Variants in MEGF10 observed in about 807,000 individuals in gnomAD.
MEGF10 encodes the protein multiple epidermal growth factor-like domains protein 10.
MEGF10 carries 86 observed loss-of-function variants against 147.5 expected under a neutral mutation model. The ratio of observed to expected loss-of-function variants is 0.58; its 90% confidence interval spans 0.49 to 0.70. The LOEUF is 0.70. Among genes scored for constraint, MEGF10 ranks in the 30% least tolerant of loss-of-function variants. MEGF10 has a pLI of 0.00. For synonymous variants in MEGF10, 478 were observed against 525.5 expected (o/e 0.91, Z 1.24); for missense variants, 1,329 against 1,487.3 (o/e 0.89, Z 1.75).
the MEGF10 span, among the ~76,000 whole-genome samples, chr5:127,267,164 C>A: frequency 6.6e-6 from 1 of 152,168 alleles, no homozygotes; most frequent in East Asian, 1.9e-4. Flanking sequence ...ACCTTTTCTG[C>A]ATCTATTGAG....
intron 9 of MEGF10, among the ~76,000 whole-genome samples, chr5:127,411,653 C>A (rs1764569296): frequency 6.6e-6 from 1 of 152,124 alleles, no homozygotes; most frequent in Non-Finnish European, 1.5e-5. Flanking sequence ...ACTTTGTAAG[C>A]CATATTAGTC....
intron 5 of MEGF10, among the ~76,000 whole-genome samples, chr5:127,394,405 T>C (rs1232994303): frequency 6.6e-6 from 1 of 152,152 alleles, no homozygotes; most frequent in African/African-American, 2.4e-5. Flanking sequence ...TTTACTATAT[T>C]GTGAAAAAGT....
At chr5:127,385,209 C>T (rs1023637927) in intron 5 of MEGF10, among the ~76,000 whole-genome samples, 1 of 152,150 alleles carries the variant, frequency 6.6e-6, no homozygotes, top group African/African-American at 2.4e-5. Context: ...TGTTTAAAGT[C>T]CATGGAGAAC....
intron 5 of MEGF10, among the ~76,000 whole-genome samples, chr5:127,387,549 T>C (rs1763477840): frequency 6.6e-6 from 1 of 152,194 alleles, no homozygotes; most frequent in African/African-American, 2.4e-5. Flanking sequence ...TCTGCACTGA[T>C]TCCGGTTTTG....
At chr5:127,282,685 G>T in the MEGF10 span, among the ~76,000 whole-genome samples, 1 of 152,166 alleles carries the variant, frequency 6.6e-6, no homozygotes, top group African/African-American at 2.4e-5. Flanking sequence ...TCTTTTCCCA[G>T]TGGTATCCTC....
At chr5:127,286,233 T>C (rs1333487390), upstream of MEGF10, among the ~76,000 whole-genome samples, 2 of 152,056 alleles carry the variant, frequency 1.3e-5, no homozygotes, top group Non-Finnish European at 2.9e-5. Context: ...TTGTAGGTTC[T>C]AATGGTCAGT....
chr5:127,371,475 A>C (rs1762850960), intron 5 of MEGF10, among the ~76,000 whole-genome samples: 1 of 152,156 alleles, frequency 6.6e-6, no homozygotes, highest in South Asian at 2.1e-4. Flanking sequence ...GTGCCTAGAC[A>C]TCTTGAAGAA....
At chr5:127,231,270 TC>T in the MEGF10 span, among the ~76,000 whole-genome samples, 1 of 152,242 alleles carries the variant, frequency 6.6e-6, no homozygotes, top group African/African-American at 2.4e-5. Context: ...AAATCGAAAC[TC>T]CTCAGCATGG....
chr5:127,349,690 T>TG (rs200645998), intron 4 of MEGF10, among the ~76,000 whole-genome samples: 265 of 150,834 alleles, frequency 1.8e-3, no homozygotes, highest in African/African-American at 5.5e-3. Context: ...TCCTTTTTTT[T>TG]TTTGTTTTTT....
intron 9 of MEGF10, among the ~76,000 whole-genome samples, chr5:127,416,347 A>C (rs1764778997): frequency 6.6e-6 from 1 of 152,072 alleles, no homozygotes; most frequent in South Asian, 2.1e-4. Flanking sequence ...AGTTTTTGAC[A>C]TGTTAAGTTT....
chr5:127,417,243 C>T (rs1013201108), intron 9 of MEGF10, among the ~76,000 whole-genome samples: 2 of 152,192 alleles, frequency 1.3e-5, no homozygotes, highest in African/African-American at 4.8e-5. Context: ...CTGACAAGGT[C>T]ACTGCTTTTG....
intron 5 of MEGF10, among the ~76,000 whole-genome samples, chr5:127,381,489 G>T (rs1435063628): frequency 6.6e-6 from 1 of 152,172 alleles, no homozygotes; most frequent in East Asian, 1.9e-4. Context: ...GTGAAGTGAT[G>T]ATATGTACGA....
At chr5:127,398,543 TG>T (rs1764008559) in intron 6 of MEGF10, 132 bp from the exon 7 acceptor site, 1 of 1,033,888 alleles carries the variant, frequency 9.7e-7, no homozygotes, top group African/African-American at 1.6e-5. Flanking sequence ...TTAATGTTCT[TG>T]ATGTTAATTA....
the MEGF10 span, among the ~76,000 whole-genome samples, chr5:127,239,952 C>T: frequency 3.3e-5 from 5 of 152,160 alleles, no homozygotes; most frequent in Admixed American, 6.5e-5. Flanking sequence ...ACCCTGACCC[C>T]ATCCCCCATT....
chr5:127,296,103 G>T (rs1277572907), intron 1 of MEGF10, among the ~76,000 whole-genome samples: 1 of 151,998 alleles, frequency 6.6e-6, no homozygotes, highest in African/African-American at 2.4e-5. Flanking sequence ...TTTAAATATA[G>T]TTATTGCAGA....
the MEGF10 span, among the ~76,000 whole-genome samples, chr5:127,275,732 C>T: frequency 6.6e-6 from 1 of 152,076 alleles, no homozygotes; most frequent in East Asian, 1.9e-4. Context: ...GGCTGAGTGT[C>T]AATAGACAAA....
At chr5:127,236,666 T>C in the MEGF10 span, among the ~76,000 whole-genome samples, 21 of 152,344 alleles carry the variant, frequency 1.4e-4, no homozygotes, top group East Asian at 4.1e-3. Flanking sequence ...TATCCTTCCC[T>C]GTCTTCTTAA....
intron 13 of MEGF10, among the ~76,000 whole-genome samples, chr5:127,429,145 A>G (rs538976324): frequency 1.3e-5 from 2 of 152,282 alleles, no homozygotes; most frequent in East Asian, 1.9e-4. Flanking sequence ...CTTCTTCCCA[A>G]TATTTTAGAA....
At chr5:127,326,530 C>T (rs1761041691) in intron 1 of MEGF10, among the ~76,000 whole-genome samples, 1 of 152,158 alleles carries the variant, frequency 6.6e-6, no homozygotes, top group Non-Finnish European at 1.5e-5. Flanking sequence ...CTCAGGGCAA[C>T]CAGCAAGCAT....
Sources: gnomAD v4.1 joint callset for allele counts (sites outside exome capture counted in the v4.1 genomes callset) on GRCh38, gnomAD v4.1.1 for gene constraint, MANE v1.5 for transcripts, NCBI Gene and HGNC (gene_info 2026-07-23, HGNC 2026-07-21) for gene names.